Variants in ACTN2 observed in about 807,000 individuals in gnomAD.
The protein encoded by ACTN2 is alpha-actinin-2.
Under a neutral mutation model 113.8 loss-of-function variants are expected in ACTN2, and 39 were observed. The observed-to-expected ratio is 0.34, with a 90% CI of 0.27 to 0.45. The LOEUF is 0.45. Among genes scored for constraint, ACTN2 ranks in the 20% least tolerant of loss-of-function variants. The probability of loss-of-function intolerance (pLI) is 1.00; values close to 1 mark genes in which losing one functional copy is unlikely to be tolerated. For synonymous variants in ACTN2, 429 were observed against 444.1 expected (o/e 0.97, Z 0.43); for missense variants, 992 against 1,177.9 (o/e 0.84, Z 2.31).
chr1:236,727,700 T>G lies in ACTN2; in HGVS notation c.559T>G (p.Cys187Gly). The change falls in exon 6 of 21, where the codon TGT becomes GGT. Residue 187 changes from cysteine (C) to glycine (G), a missense_variant. Transcript: ENST00000366578. ...HTSWKDGLGLCALIHRHRPDL... is the reference protein window; with the variant it reads ...HTSWKDGLGLGALIHRHRPDL... ...AAGCTGGAAAGATGGCCTTGGACTC[T>G]GTGCCCTCATCCACCGACACCGGCC... is the stretch of plus-strand genomic sequence containing the variant. 6.2e-7 allele frequency: 1 copy of G among 1,614,194 alleles called. No individual in the cohort carries two copies. Among genetic ancestry groups the G allele is most frequent in the Non-Finnish European group, 8.5e-7 (1 of 1,180,018 alleles).
intron 1 of ACTN2, among the ~76,000 whole-genome samples, chr1:236,693,177 GCACACACACACACACA>G (rs35891713): frequency 6.2e-4 from 92 of 149,150 alleles, no homozygotes; most frequent in East Asian, 4.6e-3. Flanking sequence ...CTGCACACAT[GCACACACACACACACA>G]CACACACACA....
chr1:236,717,555 G>A (rs552087150), intron 1 of ACTN2, among the ~76,000 whole-genome samples: 2 of 152,324 alleles, frequency 1.3e-5, no homozygotes, highest in Admixed American at 6.5e-5. Flanking sequence ...TTTCTACAAA[G>A]TAAAAGGGTT....
At chr1:236,711,502 C>G (rs1448321874) in intron 1 of ACTN2, among the ~76,000 whole-genome samples, 2 of 152,150 alleles carry the variant, frequency 1.3e-5, no homozygotes, top group African/African-American at 4.8e-5. Flanking sequence ...GCATGCGCCA[C>G]CACGCCAGGC....
At chr1:236,725,201 G>T (rs1401429063) in intron 4 of ACTN2, among the ~76,000 whole-genome samples, 1 of 152,224 alleles carries the variant, frequency 6.6e-6, no homozygotes, top group Non-Finnish European at 1.5e-5. Context: ...CTTTCAGGAT[G>T]CAGTCAATCA....
At chr1:236,732,425 CTTTTTATTTTTTAT>C (rs57171299) in intron 7 of ACTN2, among the ~76,000 whole-genome samples, 11 of 145,800 alleles carry the variant, frequency 7.5e-5, no homozygotes, top group East Asian at 2.0e-4. Flanking sequence ...TTTTCTTTTT[CTTTTTATTTTTTAT>C]TTTTTATTTT....
In ACTN2 at chr1:236,721,994, C is replaced by T. The variant is rs542201680; in HGVS notation, c.448+1803C>T. Among the ~76,000 whole-genome samples the T allele has an allele frequency of 1.1e-3, 172 of 151,966 alleles. 1 individual carries two copies. Among genetic ancestry groups the T allele is most frequent in the African/African-American group, 3.5e-3 (147 of 41,488 alleles). ...AATCACAATATTTTGTAAAATTTTG[C>T]GATAAAAGGCTATATTAATCTGCTC... On this transcript the variant is annotated intron_variant, in intron 4 of 20. Transcript: ENST00000366578.
At position 236,754,194 on chromosome 1, in the gene ACTN2, G is replaced by T; in HGVS notation, c.1974+113G>T. ...TTCCAGCCACCCACTCAGTCAGGTG[G>T]GAGCACCGTTCTGTTATCACCCCGG... On this transcript the variant is annotated intron_variant, in intron 16 of 20. Transcript: ENST00000366578. The surrounding 1 kb of genome is among the most constrained non-coding windows in gnomAD (Gnocchi z 4.9). 7.1e-7 allele frequency: 1 copy of T among 1,415,688 alleles called. No homozygotes were observed. The highest frequency in any genetic ancestry group is 9.8e-7 in the Non-Finnish European group (1 of 1,019,914). 87.7% of individuals were successfully genotyped at this position (1,415,688 alleles called of 1,614,324 possible).
In ACTN2 at chr1:236,764,468, G is replaced by C. The variant is rs1401707854; in HGVS notation, c.*1849G>C. On this transcript the variant is annotated 3_prime_UTR_variant, in exon 21 of 21. Transcript: ENST00000366578. ...CAACATTCAGCAAGAGAGGGGGTCA[G>C]TAGTCTCTATCTGCTAATAAATGAA... The C allele has an allele frequency of 6.6e-6, 1 of 152,168 alleles. No homozygotes were observed. Among genetic ancestry groups the C allele is most frequent in the Non-Finnish European group, 1.5e-5 (1 of 68,026 alleles). The allele number at this position is 152,168 out of a possible 1,614,324, so 9.4% of individuals were successfully genotyped here.
chr1:236,733,872 G>A (rs922621518), intron 7 of ACTN2, among the ~76,000 whole-genome samples: 3 of 152,124 alleles, frequency 2.0e-5, no homozygotes, highest in African/African-American at 7.2e-5. Flanking sequence ...GTGACTCATC[G>A]GCCCACTCAC....
At chr1:236,700,147 C>A (rs1481076405) in intron 1 of ACTN2, among the ~76,000 whole-genome samples, 1 of 152,136 alleles carries the variant, frequency 6.6e-6, no homozygotes, top group African/African-American at 2.4e-5. Context: ...ACCTGCCTTT[C>A]TAGGGATCAC....
chr1:236,739,497 C>A lies in ACTN2; in HGVS notation c.1072C>A (p.Pro358Thr), dbSNP rs1355611641. The change falls in exon 10 of 21, where the codon CCT (proline) becomes ACT (threonine). Residue 358 changes from proline to threonine, a missense_variant. By Grantham distance (38) the Pro-to-Thr change is conservative. Coordinates refer to ENST00000366578, the MANE Select transcript of ACTN2 (RefSeq NM_001103.4). ...LQTKLRISNR[P>T]AFMPSEGKMV... ...GACCAAGCTGCGGATCAGCAACCGT[C>A]CTGCCTTCATGCCCTCCGAGGGCAA... The A allele has an allele frequency of 1.2e-6, 2 of 1,614,152 alleles. No homozygotes were observed. The highest frequency in any genetic ancestry group is 1.7e-6 in the Non-Finnish European group (2 of 1,180,002).
rs755661302 is a variant in ACTN2 at position 236,754,592 on chromosome 1, C to T, written c.1975-427C>T. On this transcript the variant is annotated intron_variant, in intron 16 of 20. Transcript: ENST00000366578. This position sits in a 1 kb window ranked among gnomAD's most constrained non-coding sequence, Gnocchi z 4.9. Reference sequence around the variant, plus strand: ...TGAAATATTGACTTTTTTCTTAAAGCGGAGACCATGTAAAAATATAAGAAA... The same window carrying T: ...TGAAATATTGACTTTTTTCTTAAAGTGGAGACCATGTAAAAATATAAGAAA... Among the ~76,000 whole-genome samples, 9 of 152,110 alleles carry T rather than the reference C, an allele frequency of 5.9e-5. No homozygotes were observed. The South Asian group carries it at 8.3e-4, about 14-fold the overall frequency.
intron 1 of ACTN2, among the ~76,000 whole-genome samples, chr1:236,703,348 C>T (rs2102872622): frequency 6.6e-6 from 1 of 151,602 alleles, no homozygotes; most frequent in East Asian, 1.9e-4. Context: ...CAGCTAGTGG[C>T]TAAGTCAGGC....
At chr1:236,698,484 G>A (rs777013116) in intron 1 of ACTN2, among the ~76,000 whole-genome samples, 18 of 152,202 alleles carry the variant, frequency 1.2e-4, no homozygotes, top group Non-Finnish European at 2.4e-4. Context: ...ACATTTTTGA[G>A]GGGAGGCAGG....
At chr1:236,724,862 G>T (rs1324494829) in intron 4 of ACTN2, among the ~76,000 whole-genome samples, 6 of 77,458 alleles carry the variant, frequency 7.7e-5, no homozygotes, top group Admixed American at 1.7e-4. Context: ...TTTTTTTTTG[G>T]TGAGAAGTCA....
intron 1 of ACTN2, among the ~76,000 whole-genome samples, chr1:236,709,699 C>T (rs1657968941): frequency 6.6e-6 from 1 of 152,090 alleles, no homozygotes; most frequent in Non-Finnish European, 1.5e-5. Context: ...CCATTTTTCA[C>T]CTGACAGACA....
intron 1 of ACTN2, among the ~76,000 whole-genome samples, chr1:236,690,555 G>T (rs558777547): frequency 6.6e-6 from 1 of 152,158 alleles, no homozygotes; most frequent in Non-Finnish European, 1.5e-5. Context: ...AACTCACAGG[G>T]TTTTTTGTCT....
In ACTN2 at chr1:236,757,682, G is replaced by A. The variant is rs188794099; in HGVS notation, c.2301+50G>A. ...GGCAATACTGGGGACATTAAACAATGTATCTGAAATAATATGCATGCTCTC... is the reference window on the plus strand; with the variant it reads ...GGCAATACTGGGGACATTAAACAATATATCTGAAATAATATGCATGCTCTC... On this transcript the variant is annotated intron_variant, in intron 18 of 20. Transcript: ENST00000366578. The A allele has an allele frequency of 1.4e-4, 227 of 1,607,384 alleles. No individual in the cohort carries two copies. In the East Asian group the frequency reaches 4.8e-3, roughly 34 times the overall value.
rs1659403281 is a variant in ACTN2 at position 236,751,783 on chromosome 1, C to T, written c.1839+131C>T. ...TCATGATCAGGATTTTCCTTTATCCCAAATTTCACAGGCAAAACGTGACAA... is the reference window on the plus strand; with the variant it reads ...TCATGATCAGGATTTTCCTTTATCCTAAATTTCACAGGCAAAACGTGACAA... On this transcript the variant is annotated intron_variant, in intron 15 of 20. Transcript: ENST00000366578. The T allele has an allele frequency of 1.0e-5, 11 of 1,089,284 alleles. No homozygotes were observed. The South Asian group carries it at 1.5e-4, about 15-fold the overall frequency. The allele number at this position is 1,089,284 out of a possible 1,614,324, so 67.5% of individuals were successfully genotyped here.
Sources: allele counts gnomAD v4.1 joint callset (sites outside exome capture counted in the v4.1 genomes callset), GRCh38; gene constraint gnomAD v4.1.1; non-coding constraint Gnocchi (gnomAD v3.1); transcripts MANE v1.5; gene names NCBI Gene and HGNC (gene_info 2026-07-23, HGNC 2026-07-21).